Variants in CCDC60 observed in about 807,000 individuals in gnomAD.
CCDC60 encodes the protein coiled-coil domain-containing protein 60.
In CCDC60, 54 loss-of-function variants were observed where a neutral mutation model predicts 63.5. That is an observed-to-expected ratio of 0.85 (90% CI 0.68 to 1.07). CCDC60 has a LOEUF of 1.07. CCDC60 is among the 50% of genes least tolerant of loss of function. The pLI is 0.00. For synonymous variants in CCDC60, 206 were observed against 238.8 expected (o/e 0.86, Z 1.27); for missense variants, 651 against 684.3 (o/e 0.95, Z 0.54).
At position 119,450,868 on chromosome 12, in the gene CCDC60, A is replaced by AAAAG. The variant is rs112032535; in HGVS notation, c.171-21125_171-21124insAAGA. Among the ~76,000 whole-genome samples the AAAAG allele has an allele frequency of 6.2e-3, 875 of 141,702 alleles. 11 individuals carry two copies. Among genetic ancestry groups the AAAAG allele is most frequent in the African/African-American group, 0.021 (791 of 38,334 alleles). The allele number at this position is 141,702 out of a possible 152,430, so 93.0% of individuals were successfully genotyped here. A position where few individuals can be genotyped will look rare whatever the true frequency, so the allele number is the denominator to read the frequency against. ...CAAGACTCCATCTCAAAAAAAAAAA[A>AAAAG]AGAGAGAGAGAGAGAGAGATAAGAC... On this transcript the variant is annotated intron_variant, in intron 2 of 13. Transcript: ENST00000327554.
Position 119,428,778 on chromosome 12 carries a change from AG to A in CCDC60, c.170+19del. 6.5e-7 allele frequency: 1 copy of A among 1,547,662 alleles called. No homozygotes were observed. The highest frequency in any genetic ancestry group is 8.9e-7 in the Non-Finnish European group (1 of 1,127,472). Reference sequence around the variant, plus strand: ...TACGAAGCCGGTGAGTGAGCCCAGCAGGGAATGATCCATAGACAACCCAACA... The same window carrying A: ...TACGAAGCCGGTGAGTGAGCCCAGCAGGAATGATCCATAGACAACCCAACA... On this transcript the variant is annotated intron_variant, in intron 2 of 13. Transcript: ENST00000327554.
chr12:119,531,178 C>A, intron 13 of CCDC60, 115 bp downstream of exon 13: 1 of 868,176 alleles, frequency 1.2e-6, no homozygotes, highest in Non-Finnish European at 1.8e-6. Context: ...CTTTATGGAG[C>A]TCATATTCTA....
chr12:119,515,534 G>T (rs963750193), intron 7 of CCDC60, among the ~76,000 whole-genome samples: 1 of 152,012 alleles, frequency 6.6e-6, no homozygotes, highest in Non-Finnish European at 1.5e-5. Context: ...TCTCCATGTT[G>T]CCCAGGCTGG....
chr12:119,423,353 C>A (rs1956846963), intron 1 of CCDC60, among the ~76,000 whole-genome samples: 2 of 152,162 alleles, frequency 1.3e-5, no homozygotes, highest in Non-Finnish European at 2.9e-5. Flanking sequence ...TGGCCTGGGG[C>A]CAAGACATTT....
intron 2 of CCDC60, among the ~76,000 whole-genome samples, chr12:119,444,659 C>T (rs145126713): frequency 3.3e-5 from 5 of 152,216 alleles, no homozygotes; most frequent in African/African-American, 7.2e-5. Context: ...TGGCGCTGTA[C>T]AAAAACAGGT....
At chr12:119,508,561 TAGAG>T (rs1198625520) in intron 7 of CCDC60, among the ~76,000 whole-genome samples, 1 of 151,660 alleles carries the variant, frequency 6.6e-6, no homozygotes, top group Non-Finnish European at 1.5e-5. Context: ...AATGCTGGGA[TAGAG>T]AGAGACCGTT....
chr12:119,526,404 T>A (rs1952678181), intron 11 of CCDC60, among the ~76,000 whole-genome samples: 1 of 152,026 alleles, frequency 6.6e-6, no homozygotes, highest in Non-Finnish European at 1.5e-5. Context: ...AAAGCAAAAA[T>A]TGACAAATGG....
chr12:119,508,075 G>A (rs1212621933), intron 7 of CCDC60, among the ~76,000 whole-genome samples: 1 of 152,074 alleles, frequency 6.6e-6, no homozygotes, highest in African/African-American at 2.4e-5. Context: ...GGAGGCTGAG[G>A]TCGGGGGATC....
At chr12:119,443,116 G>A (rs1404367401) in intron 2 of CCDC60, among the ~76,000 whole-genome samples, 1 of 152,162 alleles carries the variant, frequency 6.6e-6, no homozygotes, top group African/African-American at 2.4e-5. Context: ...TCTACCTGTA[G>A]GATTCTTTAT....
chr12:119,362,767 T>G (rs1955803727), intron 1 of CCDC60, among the ~76,000 whole-genome samples: 1 of 152,200 alleles, frequency 6.6e-6, no homozygotes, highest in Non-Finnish European at 1.5e-5. Context: ...ATACACTAGA[T>G]TTTCTTAGCT....
intron 3 of CCDC60, among the ~76,000 whole-genome samples, chr12:119,476,419 C>G (rs564670215): frequency 4.6e-5 from 7 of 152,154 alleles, no homozygotes; most frequent in Non-Finnish European, 8.8e-5. Flanking sequence ...CTGTGGTTTT[C>G]TCAGCTCTAG....
At chr12:119,364,159 T>C in intron 1 of CCDC60, among the ~76,000 whole-genome samples, 1 of 152,012 alleles carries the variant, frequency 6.6e-6, no homozygotes, top group African/African-American at 2.4e-5. Flanking sequence ...TTCCTTCTTC[T>C]CTCCTTCCTT....
chr12:119,439,967 A>C (rs1404409423), intron 2 of CCDC60, among the ~76,000 whole-genome samples: 1 of 152,126 alleles, frequency 6.6e-6, no homozygotes, highest in Non-Finnish European at 1.5e-5. Context: ...CAGGAATTGA[A>C]AGCCAAACAC....
At chr12:119,336,885 G>C (rs563823313) in intron 1 of CCDC60, among the ~76,000 whole-genome samples, 3 of 152,262 alleles carry the variant, frequency 2.0e-5, no homozygotes, top group Admixed American at 2.0e-4. Context: ...ATAACTGGAC[G>C]AGCACAACTG....
intron 11 of CCDC60, among the ~76,000 whole-genome samples, chr12:119,526,683 G>T (rs1952686470): frequency 6.6e-6 from 1 of 152,184 alleles, no homozygotes; most frequent in Non-Finnish European, 1.5e-5. Context: ...CTGATCATTA[G>T]AGAAATGCAA....
chr12:119,406,232 T>G (rs1315989697), intron 1 of CCDC60, among the ~76,000 whole-genome samples: 1 of 151,682 alleles, frequency 6.6e-6, no homozygotes, highest in Non-Finnish European at 1.5e-5. Flanking sequence ...GTTGGGGTCT[T>G]CTTGCCTCAT....
At chr12:119,353,253 T>C (rs181790819) in intron 1 of CCDC60, among the ~76,000 whole-genome samples, 1 of 152,280 alleles carries the variant, frequency 6.6e-6, no homozygotes, top group East Asian at 1.9e-4. Flanking sequence ...AGATAGCCTC[T>C]TTCAGCACTT....
Position 119,475,750 on chromosome 12 carries a change from G to C in CCDC60, c.342-3344G>C, listed in dbSNP as rs147911980. 8.5e-4 allele frequency among the ~76,000 whole-genome samples: 129 copies of C among 152,110 alleles called. 1 individual carries two copies. Among genetic ancestry groups the C allele is most frequent in the African/African-American group, 3.0e-3 (124 of 41,470 alleles). On this transcript the variant is annotated intron_variant, in intron 3 of 13. Transcript: ENST00000327554. ...TTTTCTTCACGTACATAAATAAATG[G>C]TACCAAACTCCCAAGCTTATTATGA...
chr12:119,408,506 T>C (rs1014760076), intron 1 of CCDC60, among the ~76,000 whole-genome samples: 10 of 152,230 alleles, frequency 6.6e-5, no homozygotes, highest in Non-Finnish European at 1.2e-4. Flanking sequence ...GGTGCAAACG[T>C]AGTTGTGGTT....
Sources: gnomAD v4.1 joint callset for allele counts (sites outside exome capture counted in the v4.1 genomes callset) on GRCh38, gnomAD v4.1.1 for gene constraint, MANE v1.5 for transcripts, NCBI Gene and HGNC (gene_info 2026-07-23, HGNC 2026-07-21) for gene names.